SLC24A3: variants seen among roughly 807,000 people sequenced by gnomAD.
The protein encoded by SLC24A3 is sodium/potassium/calcium exchanger 3.
SLC24A3 carries 28 observed loss-of-function variants against 75.8 expected under a neutral mutation model. The ratio of observed to expected loss-of-function variants is 0.37; its 90% CI spans 0.27 to 0.51. The LOEUF (loss-of-function observed/expected upper bound fraction) is 0.51. SLC24A3 is among the 20% of genes least tolerant of loss of function. The pLI is 0.94. For missense variants in SLC24A3, 663 were observed against 847.8 expected (o/e 0.78, Z 2.71); for synonymous variants, 372 against 334.1 (o/e 1.11, Z -1.24).
intron 8 of SLC24A3, among the ~76,000 whole-genome samples, 159 bp from the exon 9 acceptor site, chr20:19,673,442 A>G (rs963004869): frequency 6.6e-5 from 10 of 152,222 alleles, no homozygotes; most frequent in East Asian, 3.8e-4. Flanking sequence ...CTTATGCAGC[A>G]TAGAGAATGT....
chr20:19,440,870 G>A (rs3790208), intron 2 of SLC24A3, among the ~76,000 whole-genome samples: 48,249 of 151,778 alleles, frequency 0.32, 8,842 homozygotes, highest in East Asian at 0.46. Context: ...GCACTGGGCC[G>A]ACAGCAGCCT....
At chr20:19,289,106 G>C (rs888969663) in intron 2 of SLC24A3, among the ~76,000 whole-genome samples, 1 of 152,014 alleles carries the variant, frequency 6.6e-6, no homozygotes, top group Non-Finnish European at 1.5e-5. Flanking sequence ...CTTCCCCCAG[G>C]TGGTGCCTGT....
At chr20:19,367,489 C>G (rs1985913079) in intron 2 of SLC24A3, among the ~76,000 whole-genome samples, 1 of 106,556 alleles carries the variant, frequency 9.4e-6, no homozygotes, top group South Asian at 2.7e-4. Context: ...AGAAGCCCTG[C>G]CTTTTTTTTT....
chr20:19,616,409 A>C (rs1052555142), intron 6 of SLC24A3, among the ~76,000 whole-genome samples: 1 of 152,252 alleles, frequency 6.6e-6, no homozygotes, highest in African/African-American at 2.4e-5. Context: ...ACAGCCCTCT[A>C]GACAGAGTCA....
chr20:19,300,251 C>T (rs953644584), intron 2 of SLC24A3, among the ~76,000 whole-genome samples: 1 of 152,178 alleles, frequency 6.6e-6, no homozygotes, highest in Non-Finnish European at 1.5e-5. Flanking sequence ...AGTCATTTGC[C>T]TTCAGAAGCT....
intron 14 of SLC24A3, among the ~76,000 whole-genome samples, chr20:19,698,067 C>G (rs902304880): frequency 1.3e-5 from 2 of 152,046 alleles, no homozygotes; most frequent in African/African-American, 2.4e-5. Context: ...GGAAGGTGAA[C>G]GGGGAGCAGG....
chr20:19,258,595 G>A (rs1245720759), intron 1 of SLC24A3, among the ~76,000 whole-genome samples: 1 of 152,150 alleles, frequency 6.6e-6, no homozygotes, highest in Non-Finnish European at 1.5e-5. Flanking sequence ...CCGGCTACTC[G>A]GGAGGCTGAG....
chr20:19,270,249 G>A (rs888130254), intron 1 of SLC24A3, among the ~76,000 whole-genome samples: 1 of 152,074 alleles, frequency 6.6e-6, no homozygotes, highest in African/African-American at 2.4e-5. Flanking sequence ...GCTTGGACCA[G>A]CAGCACTGGC....
At chr20:19,613,084 T>A (rs991168254) in intron 6 of SLC24A3, among the ~76,000 whole-genome samples, 2 of 152,232 alleles carry the variant, frequency 1.3e-5, no homozygotes, top group Admixed American at 6.5e-5. Context: ...CTTGGTAAGG[T>A]CTTTTGTGGT....
intron 2 of SLC24A3, among the ~76,000 whole-genome samples, chr20:19,467,830 G>T (rs758396930): frequency 6.6e-5 from 10 of 150,740 alleles, no homozygotes; most frequent in Non-Finnish European, 1.5e-4. Context: ...GCAGTGAGCT[G>T]AGATCACACC....
At chr20:19,558,748 A>G (rs1032801154) in intron 3 of SLC24A3, among the ~76,000 whole-genome samples, 2 of 152,066 alleles carry the variant, frequency 1.3e-5, no homozygotes, top group African/African-American at 4.8e-5. Flanking sequence ...ATGCCTTATT[A>G]CTGATATATA....
intron 2 of SLC24A3, among the ~76,000 whole-genome samples, chr20:19,285,537 T>G (rs1983793410): frequency 6.9e-6 from 1 of 145,232 alleles, no homozygotes; most frequent in African/African-American, 2.5e-5. Flanking sequence ...GACCTAGTTT[T>G]GGTAGAAATT....
At chr20:19,283,988 C>A (rs1983738414) in intron 2 of SLC24A3, among the ~76,000 whole-genome samples, 1 of 152,222 alleles carries the variant, frequency 6.6e-6, no homozygotes, top group African/African-American at 2.4e-5. Context: ...GTCATCTAGA[C>A]AGGAGGCTTC....
intron 2 of SLC24A3, among the ~76,000 whole-genome samples, chr20:19,478,651 C>G (rs1281673052): frequency 6.6e-6 from 1 of 152,268 alleles, no homozygotes; most frequent in East Asian, 1.9e-4. Context: ...TTTCCACCAA[C>G]AAGAGGAGTC....
Position 19,249,873 on chromosome 20 carries a change from T to A in SLC24A3, c.143-31086T>A, listed in dbSNP as rs112357865. On this transcript the variant is annotated intron_variant, in intron 1 of 16. Transcript: ENST00000328041. The stretch of plus-strand genomic sequence containing the variant: ...CGTGCTAACTGAAACTTGTACAGTG[T>A]TACTGGGGCACTAAATTAATGCCTA... Among the ~76,000 whole-genome samples, 24 of 152,356 alleles carry A rather than the reference T, an allele frequency of 1.6e-4. 1 individual carries two copies. The highest frequency in any genetic ancestry group is 5.8e-4 in the African/African-American group (24 of 41,586).
chr20:19,326,629 G>A (rs1984870868), intron 2 of SLC24A3, among the ~76,000 whole-genome samples: 1 of 147,358 alleles, frequency 6.8e-6, no homozygotes, highest in South Asian at 2.1e-4. Context: ...CCAGGCTGGT[G>A]TGTAGTGATG....
chr20:19,685,434 T>A, intron 12 of SLC24A3, 73 bp downstream of exon 12: 1 of 1,558,972 alleles, frequency 6.4e-7, no homozygotes, highest in South Asian at 1.2e-5. Flanking sequence ...TGACTTAGAT[T>A]ATCTTTTTAC....
chr20:19,384,083 A>G (rs57563213), intron 2 of SLC24A3, among the ~76,000 whole-genome samples: 12,837 of 152,252 alleles, frequency 0.084, 1,828 homozygotes, highest in African/African-American at 0.29. Context: ...AAGGTGTACA[A>G]TATGATGTAT....
chr20:19,632,945 T>G (rs1054820006), intron 6 of SLC24A3, among the ~76,000 whole-genome samples: 2 of 152,258 alleles, frequency 1.3e-5, no homozygotes, highest in Non-Finnish European at 2.9e-5. Flanking sequence ...TCCTACAAGA[T>G]ACGGACAACT....
Sources: allele counts gnomAD v4.1 joint callset (sites outside exome capture counted in the v4.1 genomes callset), GRCh38; gene constraint gnomAD v4.1.1; transcripts MANE v1.5; gene names NCBI Gene and HGNC (gene_info 2026-07-23, HGNC 2026-07-21).